Variants in UBR2 observed in about 807,000 individuals in gnomAD.
UBR2 encodes the protein ubiquitin protein ligase E3 component n-recognin 2, also known as E3 ubiquitin-protein ligase UBR2.
Under a neutral mutation model 247.9 loss-of-function variants are expected in UBR2, and 92 were observed. That is an observed-to-expected ratio of 0.37 (90% CI 0.31 to 0.44). The LOEUF (loss-of-function observed/expected upper bound fraction) is 0.44. Ranked by LOEUF, UBR2 falls within the 20% of genes least tolerant of loss-of-function variation. UBR2 has a pLI of 1.00. For synonymous variants in UBR2, 672 were observed against 693.5 expected (o/e 0.97, Z 0.49); for missense variants, 1,613 against 2,112.6 (o/e 0.76, Z 4.64).
Position 42,645,589 on chromosome 6 carries a change from A to G in UBR2, c.2408A>G (p.Asp803Gly). 1 of 1,612,156 alleles carries G rather than the reference A, an allele frequency of 6.2e-7. No homozygotes were observed. Among genetic ancestry groups the G allele is most frequent in the Non-Finnish European group, 8.5e-7 (1 of 1,179,564 alleles). Residue 803 changes from aspartate (D) to glycine (G), a missense_variant and splice_region_variant, in exon 21 of 47, where the codon GAT (aspartate) becomes GGT (glycine). Coordinates refer to ENST00000372901, the MANE Select transcript of UBR2 (RefSeq NM_001363705.2). Reference protein sequence around the residue: ...HSELVKSLPEDENKETGMESV... With the variant: ...HSELVKSLPEGENKETGMESV... The stretch of plus-strand genomic sequence containing the variant: ...GAATTGGTAAAGTCTTTACCTGAAG[A>G]TGTAAGTACCTACATTTCTAAAAAG...
chr6:42,651,739 T>A (rs543649074), intron 23 of UBR2, among the ~76,000 whole-genome samples: 1 of 151,232 alleles, frequency 6.6e-6, no homozygotes, highest in African/African-American at 2.4e-5. Context: ...GATCCACCTG[T>A]CTTGGCCTCC....
chr6:42,623,734 G>A (rs568656729), intron 11 of UBR2, among the ~76,000 whole-genome samples: 1 of 152,302 alleles, frequency 6.6e-6, no homozygotes, highest in African/African-American at 2.4e-5. Context: ...ACAGGCGTGA[G>A]CCACTGCACC....
chr6:42,645,633 C>T, intron 21 of UBR2, 43 bp downstream of exon 21: 1 of 1,596,408 alleles, frequency 6.3e-7, no homozygotes, highest in East Asian at 2.2e-5. Flanking sequence ...AGAAACTTTT[C>T]CCTGCCTATC....
At chr6:42,605,616 C>G in intron 5 of UBR2, 105 bp from the exon 6 acceptor site, 2 of 994,862 alleles carry the variant, frequency 2.0e-6, no homozygotes, top group Non-Finnish European at 2.9e-6. Flanking sequence ...AGATATGTGT[C>G]CAGTACCTAG....
intron 7 of UBR2, among the ~76,000 whole-genome samples, chr6:42,610,921 C>T (rs923213065): frequency 1.3e-5 from 2 of 151,252 alleles, no homozygotes; most frequent in Non-Finnish European, 2.9e-5. Context: ...TCTCAGCTCA[C>T]CGCAACCTTC....
chr6:42,651,419 ATTCT>A (rs1266004026), intron 23 of UBR2, among the ~76,000 whole-genome samples: 1 of 151,458 alleles, frequency 6.6e-6, no homozygotes, highest in Non-Finnish European at 1.5e-5. Flanking sequence ...TCGTTTGGAG[ATTCT>A]TTTAGTTAAA....
chr6:42,671,049 GTGGCGCA>G (rs1798393734), intron 36 of UBR2, among the ~76,000 whole-genome samples: 1 of 152,098 alleles, frequency 6.6e-6, no homozygotes, highest in African/African-American at 2.4e-5. Flanking sequence ...GCCAGGCGTG[GTGGCGCA>G]TGCCTATAGT....
chr6:42,666,015 G>C, intron 33 of UBR2, 152 bp from the exon 34 acceptor site: 1 of 592,632 alleles, frequency 1.7e-6, no homozygotes, highest in East Asian at 2.9e-5. Flanking sequence ...GTCAACTAGA[G>C]CAATAACGTT....
chr6:42,620,185 C>A, intron 11 of UBR2: 1 of 275,988 alleles, frequency 3.6e-6, no homozygotes, highest in Non-Finnish European at 5.5e-6. Flanking sequence ...TTGGTTTTAC[C>A]AGTCTTTTAA....
intron 25 of UBR2, among the ~76,000 whole-genome samples, chr6:42,653,489 G>A (rs1020358412): frequency 2.6e-5 from 4 of 151,586 alleles, no homozygotes; most frequent in African/African-American, 9.7e-5. Flanking sequence ...CTCATTGTTA[G>A]ATGAGGAAGC....
intron 8 of UBR2, among the ~76,000 whole-genome samples, 186 bp downstream of exon 8, chr6:42,612,477 A>G (rs1007168892): frequency 2.0e-5 from 3 of 152,224 alleles, no homozygotes; most frequent in African/African-American, 4.8e-5. Flanking sequence ...GTCATACTGG[A>G]TATTTTTTAT....
intron 5 of UBR2, 137 bp downstream of exon 5, chr6:42,603,855 G>A (rs1020363077): frequency 8.6e-6 from 8 of 928,142 alleles, no homozygotes; most frequent in Admixed American, 6.9e-5. Context: ...GTTTTAAAAC[G>A]TGATCCATTT....
intron 2 of UBR2, among the ~76,000 whole-genome samples, chr6:42,589,764 G>A (rs1282921982): frequency 4.6e-5 from 7 of 152,098 alleles, no homozygotes; most frequent in African/African-American, 1.7e-4. Flanking sequence ...ACTGTTTCTG[G>A]TTTTCTTCCT....
chr6:42,580,544 T>C, intron 2 of UBR2, among the ~76,000 whole-genome samples: 1 of 138,250 alleles, frequency 7.2e-6, no homozygotes, highest in East Asian at 2.1e-4. Context: ...ATCTTAATTG[T>C]ACATTTTTTT....
Position 42,616,080 on chromosome 6 carries a change from G to A in UBR2, c.1172G>A (p.Arg391Gln), listed in dbSNP as rs752952371. ...DLKYKKLFAV[R>Q]FAKNYERLQS... ...AAATACAAGAAACTATTTGCTGTTC[G>A]ATTTGCAAAAGTAAGTGGCTTTTCA... The change falls in exon 10 of 47, where the codon CGA (arginine) becomes CAA (glutamine). Residue 391 changes from arginine to glutamine, a missense_variant. Arg to Gln is a conservative substitution (Grantham distance 43). Around this residue, in one of 3 missense-constraint regions of UBR2, gnomAD observed 1,524 missense variants for 1,967.3 expected, o/e 0.77. Transcript: ENST00000372901. 1.7e-5 allele frequency: 27 copies of A among 1,604,426 alleles called. No homozygotes were observed. Among genetic ancestry groups the A allele is most frequent in the Admixed American group, 3.5e-5 (2 of 57,132 alleles).
At chr6:42,649,969 GT>G (rs1335316617) in intron 22 of UBR2, among the ~76,000 whole-genome samples, 1 of 152,176 alleles carries the variant, frequency 6.6e-6, no homozygotes, top group Non-Finnish European at 1.5e-5. Flanking sequence ...AATTATCACT[GT>G]TAATGGTGTT....
rs112323348 is a variant in UBR2 at position 42,644,557 on chromosome 6, G to T, written c.2284+21G>T. ...TGTTGGTAAGTTTAAATTGTTTGAGGCATTTAATAAATTACACTGACGTTT... is the reference window on the plus strand; with the variant it reads ...TGTTGGTAAGTTTAAATTGTTTGAGTCATTTAATAAATTACACTGACGTTT... On this transcript the variant is annotated intron_variant, in intron 20 of 46. Transcript: ENST00000372901. 784 of 1,592,066 alleles carry T rather than the reference G, an allele frequency of 4.9e-4. 7 individuals carry two copies. The African/African-American group carries it at 9.5e-3, about 19-fold the overall frequency.
At chr6:42,670,379 T>C in intron 35 of UBR2, 139 bp downstream of exon 35, 1 of 1,099,272 alleles carries the variant, frequency 9.1e-7, no homozygotes, top group East Asian at 2.5e-5. Context: ...AAGCAAGAAA[T>C]GTAATGTACT....
At chr6:42,682,459 C>G (rs543368434) in intron 42 of UBR2, among the ~76,000 whole-genome samples, 96 of 149,890 alleles carry the variant, frequency 6.4e-4, no homozygotes, top group African/African-American at 2.3e-3. Flanking sequence ...TTTTTTAAGT[C>G]TCACTCTGTC....
Sources: allele counts gnomAD v4.1 joint callset (sites outside exome capture counted in the v4.1 genomes callset), GRCh38; gene constraint gnomAD v4.1.1; regional missense constraint gnomAD v4.1.1; transcripts MANE v1.5; gene names NCBI Gene and HGNC (gene_info 2026-07-23, HGNC 2026-07-21).